Variants in CRIP2 observed in about 807,000 individuals in gnomAD.
CRIP2 encodes the protein cysteine rich protein 2.
CRIP2 carries 31 observed loss-of-function variants against 31.3 expected under a neutral mutation model. The observed-to-expected ratio is 0.99, with a 90% confidence interval of 0.74 to 1.34. The LOEUF is 1.34. CRIP2 is among the 40% of genes most tolerant of loss of function. CRIP2 has a pLI of 0.00. For synonymous variants in CRIP2, 177 were observed against 127.2 expected, an observed-to-expected ratio of 1.39 and a Z score of -2.63; for missense variants, 389 against 301.6, an observed-to-expected ratio of 1.29 and a Z score of -2.15.
In CRIP2 at chr14:105,480,056, C is replaced by T. The variant is rs1240173508; in HGVS notation, c.*403C>T. On this transcript the variant is annotated 3_prime_UTR_variant, in exon 8 of 8. Transcript: ENST00000329146. ...ATGTCCCTGGCAGAGGGCTTCCCTCCGGGATCCCCTGCCTGGTGCCCACAC... is the reference window on the plus strand; with the variant it reads ...ATGTCCCTGGCAGAGGGCTTCCCTCTGGGATCCCCTGCCTGGTGCCCACAC... 1.4e-5 allele frequency: 3 copies of T among 212,400 alleles called. No individual in the cohort carries two copies. The highest frequency in any genetic ancestry group is 1.7e-3 in the Middle Eastern group (1 of 574). The allele number at this position is 212,400 out of a possible 1,614,324, so 13.2% of individuals were successfully genotyped here.
At chr14:105,475,916 C>A in intron 1 of CRIP2, 22 of 985,530 alleles carry the variant, frequency 2.2e-5, no homozygotes, top group Non-Finnish European at 2.7e-5. Flanking sequence ...CGCCCCATAC[C>A]CAGAATGCGG....
At position 105,478,633 on chromosome 14, in the gene CRIP2, C is replaced by T. The variant is rs1422059447; in HGVS notation, c.197-98C>T. The T allele has an allele frequency of 2.7e-6, 4 of 1,493,882 alleles. No homozygotes were observed. Among genetic ancestry groups the T allele is most frequent in the African/African-American group, 2.8e-5 (2 of 71,586 alleles). 92.5% of individuals were successfully genotyped at this position (1,493,882 alleles called of 1,614,324 possible). A position where few individuals can be genotyped will look rare whatever the true frequency, so the allele number is the denominator to read the frequency against. Reference sequence around the variant, plus strand: ...CCAGAGTCCCTGCCACCCTGGAAAGCCTAGTGCCCCCCAGTCCCCAGCGGG... The same window carrying T: ...CCAGAGTCCCTGCCACCCTGGAAAGTCTAGTGCCCCCCAGTCCCCAGCGGG... On this transcript the variant is annotated intron_variant, in intron 3 of 7. Transcript: ENST00000329146. This position sits in a 1 kb window ranked among gnomAD's most constrained non-coding sequence, Gnocchi z 4.9.
rs968675334 is a variant in CRIP2, at chr14:105,478,368, C to G, written c.138+8C>G. ...CCCGGGGGCCACGCCGAGGTGAGCC[C>G]CACTGCGCGGCGCGGGCGGGGGCGG... On this transcript the variant is annotated splice_region_variant and intron_variant, in intron 2 of 7. Coordinates refer to ENST00000329146, the MANE Select transcript of CRIP2 (RefSeq NM_001312.4). This position sits in a 1 kb window ranked among gnomAD's most constrained non-coding sequence, Gnocchi z 4.9. The G allele has an allele frequency of 1.3e-6, 2 of 1,576,372 alleles. No individual in the cohort carries two copies. The highest frequency in any genetic ancestry group is 1.8e-5 in the Admixed American group (1 of 55,582).
At chr14:105,473,530 G>C (rs782815749), upstream of CRIP2, 50 of 1,531,166 alleles carry the variant, frequency 3.3e-5, no homozygotes, top group Middle Eastern at 3.4e-4. Context: ...TCCGTGTCCA[G>C]CCCACAGCCT....
In CRIP2 at chr14:105,478,343, C is replaced by T. The variant is rs1329861267; in HGVS notation, c.121C>T (p.Pro41Ser). 5 of 1,562,144 alleles carry T rather than the reference C, an allele frequency of 3.2e-6. No homozygotes were observed. The African/African-American group carries it at 4.1e-5, about 13-fold the overall frequency. Residue 41 changes from proline (P) to serine (S), a missense_variant, in exon 2 of 8, where the codon CCC becomes TCC. Coordinates refer to ENST00000329146, the MANE Select transcript of CRIP2 (RefSeq NM_001312.4). This position sits in a 1 kb window ranked among gnomAD's most constrained non-coding sequence, Gnocchi z 4.9. ...CGAGCGCTGCAGCAAGACGCTGACG[C>T]CCGGGGGCCACGCCGAGGTGAGCCC... is the stretch of plus-strand genomic sequence containing the variant. ...KCERCSKTLT[P>S]GGHAEHDGKP...
In CRIP2 at chr14:105,479,601, C is replaced by T. The variant is rs1555436914; in HGVS notation, c.575C>T (p.Ala192Val). 4 of 1,612,764 alleles carry T rather than the reference C, an allele frequency of 2.5e-6. No homozygotes were observed. The highest frequency in any genetic ancestry group is 3.4e-6 in the Non-Finnish European group (4 of 1,179,934). Residue 192 changes from alanine to valine, a missense_variant, in exon 8 of 8, where the codon GCG becomes GTG. Coordinates refer to ENST00000329146, the MANE Select transcript of CRIP2 (RefSeq NM_001312.4). ...LFGPKGVNTG[A>V]VGSYIYDRDP... ...CCCTCCACAGGAGTGAACACCGGTG[C>T]GGTGGGCAGCTACATCTATGACCGG...
intron 1 of CRIP2, chr14:105,476,721 C>T (rs989139335): frequency 1.0e-6 from 1 of 985,496 alleles, no homozygotes; most frequent in Non-Finnish European, 1.2e-6. Flanking sequence ...GCCCACCGTG[C>T]AGCCAGCCCC....
At chr14:105,477,732 TGTGTG>T in intron 1 of CRIP2, 1 of 152,316 alleles carries the variant, frequency 6.6e-6, no homozygotes, top group Non-Finnish European at 1.3e-5. Flanking sequence ...GGGAAGCGGG[TGTGTG>T]GAGGCGGGCG....
intron 7 of CRIP2, 30 bp downstream of exon 7, chr14:105,479,523 C>A (rs377199850): frequency 6.2e-7 from 1 of 1,612,882 alleles, no homozygotes; most frequent in Admixed American, 1.7e-5. Context: ...TCCACGATGT[C>A]TTCCCTGCCC....
intron 1 of CRIP2, chr14:105,477,155 G>C (rs1195955224): frequency 1.9e-6 from 1 of 518,302 alleles, no homozygotes; most frequent in Non-Finnish European, 2.5e-6. Flanking sequence ...CTTCCCTTCA[G>C]AATTCCGGCT....
intron 1 of CRIP2, chr14:105,475,795 T>C: frequency 1.0e-6 from 1 of 983,292 alleles, no homozygotes; most frequent in Non-Finnish European, 1.2e-6. Context: ...TGCCCAGCTT[T>C]CTCCAGGGTG....
Position 105,478,153 on chromosome 14 carries a change from C to T in CRIP2, c.44-113C>T, listed in dbSNP as rs1006111617. The T allele has an allele frequency of 3.7e-4, 292 of 793,028 alleles. 3 individuals carry two copies. The East Asian group carries it at 7.0e-3, about 19-fold the overall frequency. 49.1% of individuals were successfully genotyped at this position (793,028 alleles called of 1,614,324 possible). On this transcript the variant is annotated intron_variant, in intron 1 of 7. Transcript: ENST00000329146. The surrounding 1 kb of genome is among the most constrained non-coding windows in gnomAD (Gnocchi z 4.9). ...AGGTGGAAGGAAGGCGCCTGGGAGA[C>T]CTCCTGAAAGTGGGGACCCCCGGAG...
Sources: allele counts gnomAD v4.1 joint callset, GRCh38; gene constraint gnomAD v4.1.1; non-coding constraint Gnocchi (gnomAD v3.1); transcripts MANE v1.5; gene names NCBI Gene and HGNC (gene_info 2026-07-23, HGNC 2026-07-21).